PCNX1: variants seen among roughly 807,000 people sequenced by gnomAD.
The protein encoded by PCNX1 is pecanex-like protein 1.
Under a neutral mutation model 242.2 loss-of-function variants are expected in PCNX1, and 78 were observed. That is an observed-to-expected ratio of 0.32 (90% CI 0.27 to 0.39). The LOEUF (loss-of-function observed/expected upper bound fraction) is 0.39. Ranked by LOEUF, PCNX1 falls within the 10% of genes least tolerant of loss-of-function variation. The probability of loss-of-function intolerance (pLI) is 1.00; values close to 1 mark genes in which losing one functional copy is unlikely to be tolerated. For missense variants in PCNX1, 2,581 were observed against 2,856.5 expected (o/e 0.90, Z 2.20); for synonymous variants, 1,024 against 1,032.9 (o/e 0.99, Z 0.17).
intron 3 of PCNX1, among the ~76,000 whole-genome samples, chr14:70,967,688 C>A (rs1006650540): frequency 6.6e-6 from 1 of 152,138 alleles, no homozygotes; most frequent in East Asian, 1.9e-4. Context: ...GAAGTACTTA[C>A]TTTTGTCTCC....
Position 71,102,124 on chromosome 14 carries a change from C to CT in PCNX1, c.5725dup (p.Ser1909PhefsTer11). The CT allele has an allele frequency of 6.2e-7, 1 of 1,614,076 alleles. No individual in the cohort carries two copies. Among genetic ancestry groups the CT allele is most frequent in the Non-Finnish European group, 8.5e-7 (1 of 1,179,976 alleles). On this transcript the variant is annotated frameshift_variant, in exon 31 of 36. Coordinates refer to ENST00000304743, the MANE Select transcript of PCNX1 (RefSeq NM_014982.3). LOFTEE classifies it high-confidence loss of function. ...GGAGTGCAGTACTTGCCAACTCTCCCTCCTTGCTTGCTCTGCGGCATGTCA... is the reference window on the plus strand; with the variant it reads ...GGAGTGCAGTACTTGCCAACTCTCCCTTCCTTGCTTGCTCTGCGGCATGTCA...
intron 1 of PCNX1, among the ~76,000 whole-genome samples, chr14:70,944,296 A>T (rs989686387): frequency 6.6e-6 from 1 of 152,240 alleles, no homozygotes; most frequent in Admixed American, 6.5e-5. Flanking sequence ...GTCCAAGGCC[A>T]TGGGAGCCCA....
rs551471368 is a variant in PCNX1, at chr14:71,036,958, T to A, written c.3867+801T>A. ...TTCCATCTGTTTGTATCCTCTTTTA[T>A]TTCCTTGAGCAGCGGTTTGTAGTTC... On this transcript the variant is annotated intron_variant, in intron 19 of 35. Transcript: ENST00000304743. Among the ~76,000 whole-genome samples, 15 of 152,226 alleles carry A rather than the reference T, an allele frequency of 9.9e-5. No homozygotes were observed. The South Asian group carries it at 1.7e-3, about 17-fold the overall frequency.
chr14:71,032,615 G>T (rs180746749), intron 16 of PCNX1, among the ~76,000 whole-genome samples: 2 of 152,200 alleles, frequency 1.3e-5, no homozygotes, highest in African/African-American at 2.4e-5. Flanking sequence ...TGGAAAAAAG[G>T]CAAGTTGTAT....
intron 8 of PCNX1, among the ~76,000 whole-genome samples, chr14:71,005,201 G>A (rs529022010): frequency 7.7e-4 from 117 of 152,276 alleles, no homozygotes; most frequent in African/African-American, 2.6e-3. Flanking sequence ...AGAAAAATGA[G>A]TGATGTCAAG....
intron 34 of PCNX1, 137 bp from the exon 35 acceptor site, chr14:71,109,315 T>G: frequency 1.2e-6 from 1 of 843,074 alleles, no homozygotes; most frequent in Non-Finnish European, 1.8e-6. Context: ...AAGATGTAGC[T>G]CTTAAGATTT....
At chr14:71,055,642 G>T in intron 25 of PCNX1, 80 bp downstream of exon 25, 1 of 795,646 alleles carries the variant, frequency 1.3e-6, no homozygotes, top group South Asian at 2.0e-5. Flanking sequence ...CTCCTAACTT[G>T]TTGGGAATCC....
At chr14:70,960,616 A>T (rs964843330) in intron 2 of PCNX1, among the ~76,000 whole-genome samples, 1 of 152,050 alleles carries the variant, frequency 6.6e-6, no homozygotes, top group African/African-American at 2.4e-5. Context: ...CAAGACAGGG[A>T]TGCCCTCTCA....
At chr14:71,073,479 T>C in intron 26 of PCNX1, 66 bp from the exon 27 acceptor site, 1 of 1,440,336 alleles carries the variant, frequency 6.9e-7, no homozygotes, top group Non-Finnish European at 9.6e-7. Context: ...ATCTTATGTG[T>C]CCTTGCATTC....
chr14:71,016,911 G>A (rs1285789886), intron 11 of PCNX1, among the ~76,000 whole-genome samples: 1 of 151,916 alleles, frequency 6.6e-6, no homozygotes, highest in Non-Finnish European at 1.5e-5. Context: ...AGAAAATCAA[G>A]GAAATGAAAA....
At chr14:71,050,610 G>T (rs1595375711) in intron 22 of PCNX1, 42 bp from the exon 23 acceptor site, 4 of 1,298,686 alleles carry the variant, frequency 3.1e-6, no homozygotes, top group Non-Finnish European at 3.1e-6. Context: ...TATCTGATAA[G>T]TTTTTTTTTT....
intron 1 of PCNX1, among the ~76,000 whole-genome samples, chr14:70,919,941 G>C (rs182414851): frequency 6.6e-6 from 1 of 152,124 alleles, no homozygotes; most frequent in Admixed American, 6.5e-5. Context: ...GTAGAGCTTT[G>C]AACGAGCCAA....
intron 26 of PCNX1, among the ~76,000 whole-genome samples, chr14:71,060,104 A>G (rs2061287093): frequency 6.6e-6 from 1 of 152,212 alleles, no homozygotes; most frequent in Admixed American, 6.5e-5. Flanking sequence ...ACAGTCATGG[A>G]CTGCAGCAAT....
intron 29 of PCNX1, among the ~76,000 whole-genome samples, chr14:71,088,858 A>G (rs1358625657): frequency 2.0e-5 from 3 of 152,218 alleles, no homozygotes; most frequent in African/African-American, 7.2e-5. Context: ...TATACATCCA[A>G]ATGAATCAGA....
intron 22 of PCNX1, among the ~76,000 whole-genome samples, chr14:71,050,410 A>T (rs1233170531): frequency 6.6e-6 from 1 of 152,150 alleles, no homozygotes; most frequent in Non-Finnish European, 1.5e-5. Context: ...TTTTAAACAG[A>T]TGAAACATAA....
chr14:71,083,185 T>C (rs1295390524), intron 28 of PCNX1, among the ~76,000 whole-genome samples: 2 of 152,214 alleles, frequency 1.3e-5, no homozygotes, highest in Admixed American at 6.5e-5. Flanking sequence ...TGGCCCTCAC[T>C]CTCTTCTGGC....
rs2062689868 is a variant in PCNX1 at position 71,108,741 on chromosome 14, C to A, written c.6439C>A (p.Pro2147Thr). 1 of 1,614,114 alleles carries A rather than the reference C, an allele frequency of 6.2e-7. No individual in the cohort carries two copies. The highest frequency in any genetic ancestry group is 1.3e-5 in the African/African-American group (1 of 74,936). ...CCGGATGTCCACCACTGGGTTTGTG[C>A]CTTGTCGGCGCTCTTCTACTAGTCA... ...SLRMSTTGFV[P>T]CRRSSTSQIS... The change falls in exon 34 of 36, where the codon CCT (proline) becomes ACT (threonine). Residue 2147 changes from proline to threonine, a missense_variant. Transcript: ENST00000304743.
chr14:70,909,655 A>G (rs1416825734), intron 1 of PCNX1, among the ~76,000 whole-genome samples: 1 of 152,200 alleles, frequency 6.6e-6, no homozygotes, highest in Non-Finnish European at 1.5e-5. Context: ...TAGTTAGCAA[A>G]TGTTACTGAA....
At chr14:71,005,068 G>C (rs2059614706) in intron 8 of PCNX1, among the ~76,000 whole-genome samples, 1 of 152,162 alleles carries the variant, frequency 6.6e-6, no homozygotes, top group African/African-American at 2.4e-5. Context: ...GGTTAAAGAA[G>C]AAAATTATCC....
Sources: allele counts gnomAD v4.1 joint callset (sites outside exome capture counted in the v4.1 genomes callset), GRCh38; gene constraint gnomAD v4.1.1; transcripts MANE v1.5; gene names NCBI Gene and HGNC (gene_info 2026-07-23, HGNC 2026-07-21).